C11orf65: variants seen among roughly 807,000 people sequenced by gnomAD.
The protein encoded by C11orf65 is chromosome 11 open reading frame 65, also known as protein MFI.
C11orf65 carries 38 observed loss-of-function variants against 35.3 expected under a neutral mutation model. That is an observed-to-expected ratio of 1.08 (90% CI 0.83 to 1.41). C11orf65 has a LOEUF of 1.41. Among genes scored for constraint, C11orf65 ranks in the 40% most tolerant of loss-of-function variants. The probability of loss-of-function intolerance (pLI) is 0.00; values close to 1 mark genes in which losing one functional copy is unlikely to be tolerated. For synonymous variants in C11orf65, 105 were observed against 114.4 expected (o/e 0.92, Z 0.53); for missense variants, 370 against 367.1 (o/e 1.01, Z -0.06).
chr11:108,358,044 T>G (rs1363560327), intron 2 of C11orf65, among the ~76,000 whole-genome samples: 1 of 144,264 alleles, frequency 6.9e-6, no homozygotes, highest in Non-Finnish European at 1.5e-5. Flanking sequence ...TTGACAACTT[T>G]GAAAAAAATT....
rs2087803205 is a variant in C11orf65 at position 108,343,215 on chromosome 11, A to G, written c.227-7923T>C. 1 of 1,613,790 alleles carries G rather than the reference A, an allele frequency of 6.2e-7. No homozygotes were observed. Among genetic ancestry groups the G allele is most frequent in the South Asian group, 1.1e-5 (1 of 91,068 alleles). On this transcript the variant is annotated intron_variant, in intron 2 of 3. Transcript: ENST00000524755. ...AAAATTAAAAGGTATTTAATCTGTA[A>G]CTCCAGGTGGTTCCCCTCTCTCAGC...
intron 3 of C11orf65, among the ~76,000 whole-genome samples, chr11:108,407,997 T>TTTAGTA (rs2092578367): frequency 1.4e-5 from 2 of 139,570 alleles, no homozygotes; most frequent in African/African-American, 5.2e-5. Context: ...TTAATTTCTT[T>TTTAGTA]TTATTATTAT....
chr11:108,405,876 C>T (rs2092531285), intron 5 of C11orf65, among the ~76,000 whole-genome samples: 1 of 152,190 alleles, frequency 6.6e-6, no homozygotes, highest in Non-Finnish European at 1.5e-5. Context: ...ACTCTTAGTG[C>T]TGATGGCTTT....
downstream of C11orf65, chr11:108,331,393 AAT>A (rs1313591560): frequency 6.3e-7 from 1 of 1,589,006 alleles, no homozygotes. Flanking sequence ...TAGATGTGAG[AAT>A]ATTTGAAATA....
chr11:108,342,847 G>A (rs1157166901), intron 2 of C11orf65, among the ~76,000 whole-genome samples: 2 of 152,094 alleles, frequency 1.3e-5, no homozygotes, highest in Non-Finnish European at 2.9e-5. Context: ...TAATTTCCAA[G>A]TGAAACTCCC....
chr11:108,444,718 A>G (rs992142035), intron 2 of C11orf65, among the ~76,000 whole-genome samples: 4 of 152,152 alleles, frequency 2.6e-5, no homozygotes, highest in African/African-American at 7.2e-5. Context: ...CATCTGAGGT[A>G]CCAGGTTCAT....
intron 3 of C11orf65, among the ~76,000 whole-genome samples, chr11:108,429,727 A>T (rs1219073265): frequency 6.6e-6 from 1 of 152,236 alleles, no homozygotes; most frequent in Non-Finnish European, 1.5e-5. Flanking sequence ...TAGCTAAAAC[A>T]TGGAAGCAAC....
chr11:108,404,689 A>G (rs773531209), intron 6 of C11orf65, among the ~76,000 whole-genome samples: 1 of 150,238 alleles, frequency 6.7e-6, no homozygotes, highest in African/African-American at 2.5e-5. Flanking sequence ...TCAGCCTCCC[A>G]AAGTGCTGGG....
At chr11:108,444,912 T>G (rs533048317) in intron 2 of C11orf65, among the ~76,000 whole-genome samples, 12 of 152,308 alleles carry the variant, frequency 7.9e-5, no homozygotes, top group Non-Finnish European at 1.8e-4. Flanking sequence ...ATCCTAATAC[T>G]GCACTTTTGC....
At position 108,385,924 on chromosome 11, in the gene C11orf65, G is replaced by C. The variant is rs965110755; in HGVS notation, c.783C>G (p.Phe261Leu). ...EIATSNSSAN[F>L]KGFRFNQAQK... ...GTACTGCTAAAAATCACCTACCTTT[G>C]AAGTTAGCCGAAGAGTTGCTTGTAG... The change falls in exon 8 of 9, where the codon TTC becomes TTG. Residue 261 changes from phenylalanine to leucine, a missense_variant. Physicochemically the swap from Phe to Leu is conservative, Grantham distance 22. Transcript: ENST00000393084. The C allele has an allele frequency of 1.9e-6, 3 of 1,613,492 alleles. No individual in the cohort carries two copies. The African/African-American group carries it at 4.0e-5, about 22-fold the overall frequency.
intron 2 of C11orf65, among the ~76,000 whole-genome samples, chr11:108,459,256 T>TA (rs1045915978): frequency 2.0e-5 from 3 of 152,072 alleles, no homozygotes; most frequent in South Asian, 4.1e-4. Flanking sequence ...CATTTTTTTT[T>TA]AAAAAAGAGA....
Position 108,431,730 on chromosome 11 carries a change from T to C in C11orf65, c.174+16A>G. The C allele has an allele frequency of 7.7e-7, 1 of 1,304,136 alleles. No individual in the cohort carries two copies. Among genetic ancestry groups the C allele is most frequent in the Non-Finnish European group, 1.0e-6 (1 of 960,490 alleles). 80.8% of individuals were successfully genotyped at this position (1,304,136 alleles called of 1,614,324 possible). A position where few individuals can be genotyped will look rare whatever the true frequency, so the allele number is the denominator to read the frequency against. Reference sequence around the variant, plus strand: ...GGAAAAATATAGGATGCTATATCAATAAGTAATGTCCTTACCTCTTTGGGA... The same window carrying C: ...GGAAAAATATAGGATGCTATATCAACAAGTAATGTCCTTACCTCTTTGGGA... On this transcript the variant is annotated intron_variant, in intron 3 of 8. Transcript: ENST00000393084.
intron 6 of C11orf65, chr11:108,317,603 A>T (rs2084805658): frequency 1.2e-6 from 1 of 849,828 alleles, no homozygotes; most frequent in Non-Finnish European, 1.7e-6. Context: ...TATGAATATA[A>T]CAGGAGTTGT....
chr11:108,373,892 G>T lies in C11orf65; in HGVS notation c.226+19316C>A, dbSNP rs1591410253. ...AATTATATCCCGCACCTGGCTTGGA[G>T]GGTCCTACGCCCACGGAGTCTTGCT... On this transcript the variant is annotated intron_variant, in intron 2 of 3. Transcript: ENST00000524755. Among the ~76,000 whole-genome samples the T allele has an allele frequency of 1.3e-5, 2 of 152,212 alleles. 1 individual carries two copies. The highest frequency in any genetic ancestry group is 4.1e-4 in the South Asian group (2 of 4,832).
In C11orf65 at chr11:108,406,512, C is replaced by T. The variant is rs189516050; in HGVS notation, c.429+251G>A. On this transcript the variant is annotated intron_variant, in intron 5 of 8. Coordinates refer to ENST00000393084, the MANE Select transcript of C11orf65 (RefSeq NM_152587.5). Reference sequence around the variant, plus strand: ...TACTGGGTATATAATCTGCTGAGTACCAGAGAGTATCTAAAGATGGTCTAG... The same window carrying T: ...TACTGGGTATATAATCTGCTGAGTATCAGAGAGTATCTAAAGATGGTCTAG... Among the ~76,000 whole-genome samples the T allele has an allele frequency of 3.1e-3, 474 of 152,028 alleles. 6 individuals are homozygous for T. The highest frequency in any genetic ancestry group is 0.011 in the African/African-American group (461 of 41,444).
At chr11:108,418,151 T>C (rs577052305) in intron 3 of C11orf65, among the ~76,000 whole-genome samples, 1 of 152,272 alleles carries the variant, frequency 6.6e-6, no homozygotes, top group Admixed American at 6.5e-5. Context: ...TCTTCAGTCA[T>C]AGTGGAAGCT....
chr11:108,335,707 A>T (rs527376722), intron 2 of C11orf65: 53 of 683,422 alleles, frequency 7.8e-5, no homozygotes, highest in Non-Finnish European at 1.1e-4. Context: ...GGCAGTAGGT[A>T]TTTAATTATT....
At chr11:108,457,633 A>C (rs2093423943) in intron 2 of C11orf65, among the ~76,000 whole-genome samples, 2 of 152,172 alleles carry the variant, frequency 1.3e-5, no homozygotes, top group South Asian at 4.2e-4. Flanking sequence ...ACAGAGCAAG[A>C]CTCCATCTCA....
At chr11:108,329,955 A>G (rs977128657), downstream of C11orf65, among the ~76,000 whole-genome samples, 1 of 152,200 alleles carries the variant, frequency 6.6e-6, no homozygotes, top group Non-Finnish European at 1.5e-5. Context: ...TTGAATCTGT[A>G]TATTTTAGTG....
Sources: allele counts gnomAD v4.1 joint callset (sites outside exome capture counted in the v4.1 genomes callset), GRCh38; gene constraint gnomAD v4.1.1; transcripts MANE v1.5; gene names NCBI Gene and HGNC (gene_info 2026-07-23, HGNC 2026-07-21).